BRINP3: variants seen among roughly 807,000 people sequenced by gnomAD.
BRINP3 encodes the protein BMP/retinoic acid-inducible neural-specific protein 3.
Under a neutral mutation model 71.0 loss-of-function variants are expected in BRINP3, and 19 were observed. The ratio of observed to expected loss-of-function variants is 0.27; its 90% CI spans 0.19 to 0.39. BRINP3 has a LOEUF of 0.39. Ranked by LOEUF, BRINP3 falls within the 10% of genes least tolerant of loss-of-function variation. The pLI is 1.00. For synonymous variants in BRINP3, 380 were observed against 337.7 expected, an observed-to-expected ratio of 1.13 and a Z score of -1.37; for missense variants, 959 against 940.8, an observed-to-expected ratio of 1.02 and a Z score of -0.25.
Position 190,342,877 on chromosome 1 carries a change from A to G in BRINP3, c.237-61127T>C, listed in dbSNP as rs556496204. ...TCTCAAATGATAAATGTTTGTATTT[A>G]GCTGTGGCCTAGAATAAATACAGAA... On this transcript the variant is annotated intron_variant, in intron 2 of 7. Transcript: ENST00000367462. 3 of 152,006 alleles carry G rather than the reference A, an allele frequency of 2.0e-5. No homozygotes were observed. The South Asian group carries it at 6.2e-4, about 31-fold the overall frequency. The allele number at this position is 152,006 out of a possible 1,614,324, so 9.4% of individuals were successfully genotyped here. A position where few individuals can be genotyped will look rare whatever the true frequency, so the allele number is the denominator to read the frequency against.
chr1:190,199,771 G>GAAAAAAA (rs35752025), intron 6 of BRINP3, among the ~76,000 whole-genome samples: 6 of 123,378 alleles, frequency 4.9e-5, no homozygotes, highest in African/African-American at 1.5e-4. Flanking sequence ...CAAGGCATAG[G>GAAAAAAA]AAAAAAAAAA....
intron 2 of BRINP3, among the ~76,000 whole-genome samples, chr1:190,454,249 T>A (rs890173719): frequency 2.0e-5 from 3 of 152,222 alleles, no homozygotes; most frequent in African/African-American, 7.2e-5. Flanking sequence ...GTGACTCAAC[T>A]TCTCAGTGAC....
intron 7 of BRINP3, among the ~76,000 whole-genome samples, chr1:190,158,678 A>G (rs1296882846): frequency 6.6e-6 from 1 of 152,102 alleles, no homozygotes; most frequent in African/African-American, 2.4e-5. Flanking sequence ...TAATAACTTA[A>G]GTTTTTATTC....
chr1:190,378,855 G>A (rs889343035), intron 2 of BRINP3, among the ~76,000 whole-genome samples: 4 of 152,276 alleles, frequency 2.6e-5, no homozygotes, highest in Non-Finnish European at 4.4e-5. Flanking sequence ...CTAATTGAGT[G>A]TGTGCGGCAT....
intron 3 of BRINP3, 51 bp downstream of exon 3, chr1:190,281,509 C>T (rs779633359): frequency 1.1e-5 from 16 of 1,521,408 alleles, no homozygotes; most frequent in South Asian, 1.2e-5. Flanking sequence ...GCGATTTATA[C>T]GGTTTTAGGC....
At chr1:190,231,272 A>C (rs1041866228) in intron 5 of BRINP3, among the ~76,000 whole-genome samples, 1 of 151,840 alleles carries the variant, frequency 6.6e-6, no homozygotes, top group African/African-American at 2.4e-5. Flanking sequence ...GATTCAATAA[A>C]TTAATAAACA....
chr1:190,460,338 T>C (rs886132080), intron 1 of BRINP3, among the ~76,000 whole-genome samples: 4 of 151,262 alleles, frequency 2.6e-5, no homozygotes, highest in African/African-American at 9.7e-5. Context: ...ATAACTATAA[T>C]AATTATTTTT....
chr1:190,097,775 A>G lies in BRINP3; in HGVS notation c.*243T>C, dbSNP rs1651333839. The G allele has an allele frequency of 2.5e-6, 1 of 401,562 alleles. No individual in the cohort carries two copies. The highest frequency in any genetic ancestry group is 3.8e-5 in the East Asian group (1 of 26,038). The allele number at this position is 401,562 out of a possible 1,614,324, so 24.9% of individuals were successfully genotyped here. On this transcript the variant is annotated 3_prime_UTR_variant, in exon 8 of 8. Transcript: ENST00000367462. ...ACATATAAAATTACAAATGAAATTT[A>G]TTGTAAAAAGTAGAATGTCTTCTAG...
chr1:190,273,053 GT>G (rs35422922), intron 3 of BRINP3, among the ~76,000 whole-genome samples: 259 of 143,274 alleles, frequency 1.8e-3, no homozygotes, highest in Admixed American at 3.9e-3. Flanking sequence ...TAAGAGATCT[GT>G]TTTTTTTTTT....
intron 2 of BRINP3, among the ~76,000 whole-genome samples, chr1:190,309,605 T>C (rs970862556): frequency 5.3e-5 from 8 of 151,816 alleles, no homozygotes; most frequent in African/African-American, 1.9e-4. Context: ...ATTTTTATTT[T>C]ACAAGTCTCA....
chr1:190,265,022 C>G lies in BRINP3; in HGVS notation c.461G>C (p.Arg154Pro). 6.2e-7 allele frequency: 1 copy of G among 1,607,778 alleles called. No homozygotes were observed. The highest frequency in any genetic ancestry group is 1.1e-5 in the South Asian group (1 of 90,084). ...EESLTIFVDK[R>P]KLSKRAEGSD... ...TCCTTCAGCTCGTTTGCTCAACTTC[C>G]GCTTGTCCACAAAAATTGTGAGTGA... The change falls in exon 4 of 8, where the codon CGG (arginine) becomes CCG (proline). Residue 154 changes from arginine (R) to proline (P), a missense_variant. Physicochemically the swap from Arg to Pro is moderately radical, Grantham distance 103 (BLOSUM62 -2). Transcript: ENST00000367462.
At chr1:190,387,407 T>C (rs996041196) in intron 2 of BRINP3, among the ~76,000 whole-genome samples, 6 of 151,940 alleles carry the variant, frequency 3.9e-5, no homozygotes, top group Non-Finnish European at 8.8e-5. Context: ...AATAGAGTTA[T>C]AGTGTGTTTA....
chr1:190,297,572 A>AT (rs1571668812), intron 2 of BRINP3, among the ~76,000 whole-genome samples: 1 of 152,060 alleles, frequency 6.6e-6, no homozygotes, highest in East Asian at 1.9e-4. Context: ...TTTTTCTCAG[A>AT]TTTTTTTCTC....
At chr1:190,134,265 A>G (rs1654788544) in intron 7 of BRINP3, among the ~76,000 whole-genome samples, 1 of 152,068 alleles carries the variant, frequency 6.6e-6, no homozygotes, top group African/African-American at 2.4e-5. Context: ...AAGATGTACA[A>G]AAGGATATGT....
chr1:190,389,490 G>A (rs978578804), intron 2 of BRINP3, among the ~76,000 whole-genome samples: 2 of 151,770 alleles, frequency 1.3e-5, no homozygotes, highest in South Asian at 4.1e-4. Flanking sequence ...CTAAAATTTA[G>A]TCTCATTAAC....
intron 2 of BRINP3, among the ~76,000 whole-genome samples, chr1:190,431,775 A>T (rs1273868759): frequency 6.6e-6 from 1 of 152,156 alleles, no homozygotes; most frequent in East Asian, 1.9e-4. Flanking sequence ...GAAGTAAACC[A>T]CAGTTTTTTT....
intron 6 of BRINP3, among the ~76,000 whole-genome samples, chr1:190,170,979 A>C (rs1477158314): frequency 6.6e-6 from 1 of 152,112 alleles, no homozygotes; most frequent in Admixed American, 6.6e-5. Flanking sequence ...AAATTTTTCC[A>C]AGTGTGATGC....
At chr1:190,326,246 T>C (rs1666571953) in intron 2 of BRINP3, among the ~76,000 whole-genome samples, 1 of 152,050 alleles carries the variant, frequency 6.6e-6, no homozygotes, top group Non-Finnish European at 1.5e-5. Flanking sequence ...GAAAACAGAA[T>C]TTTTAAAAAT....
chr1:190,121,926 A>T (rs1272526249), intron 7 of BRINP3, among the ~76,000 whole-genome samples: 2 of 152,220 alleles, frequency 1.3e-5, no homozygotes, highest in African/African-American at 4.8e-5. Flanking sequence ...ACCAAATGAG[A>T]TGGTAAATGA....
Sources: allele counts gnomAD v4.1 joint callset (sites outside exome capture counted in the v4.1 genomes callset), GRCh38; gene constraint gnomAD v4.1.1; transcripts MANE v1.5; gene names NCBI Gene and HGNC (gene_info 2026-07-23, HGNC 2026-07-21).